EPHA6: variants seen among roughly 807,000 people sequenced by gnomAD.
EPHA6 encodes the protein EPH receptor A6, also known as ephrin type-A receptor 6.
EPHA6 carries 50 observed loss-of-function variants against 112.0 expected under a neutral mutation model. That is an observed-to-expected ratio of 0.45 (90% confidence interval 0.36 to 0.56). EPHA6 has a LOEUF of 0.56. Ranked by LOEUF, EPHA6 falls within the 20% of genes least tolerant of loss-of-function variation. The probability of loss-of-function intolerance (pLI) is 0.00; values close to 1 mark genes in which losing one functional copy is unlikely to be tolerated. For synonymous variants in EPHA6, 529 were observed against 490.7 expected, an observed-to-expected ratio of 1.08 and a Z score of -1.03; for missense variants, 1,280 against 1,417.4, an observed-to-expected ratio of 0.90 and a Z score of 1.56.
At position 97,621,522 on chromosome 3, in the gene EPHA6, C is replaced by T. The variant is rs150213448; in HGVS notation, c.2574+10668C>T. ...AAAAATCTTGGCTAAAGTTGAACAT[C>T]TGGGTCTTGGTAGCATAAAGGTAGT... is the stretch of plus-strand genomic sequence containing the variant. On this transcript the variant is annotated intron_variant, in intron 13 of 17. Coordinates refer to ENST00000389672, the MANE Select transcript of EPHA6 (RefSeq NM_001080448.3). Among the ~76,000 whole-genome samples, 402 of 151,956 alleles carry T rather than the reference C, an allele frequency of 2.6e-3. 3 individuals carry two copies. The highest frequency in any genetic ancestry group is 0.018 in the East Asian group (92 of 5,166).
chr3:97,120,284 T>C (rs890555910), intron 3 of EPHA6, among the ~76,000 whole-genome samples: 1 of 151,992 alleles, frequency 6.6e-6, no homozygotes, highest in Non-Finnish European at 1.5e-5. Context: ...AGATAAATCA[T>C]AACAAAATTC....
At chr3:97,086,452 G>T (rs1347074372) in intron 3 of EPHA6, among the ~76,000 whole-genome samples, 1 of 151,676 alleles carries the variant, frequency 6.6e-6, no homozygotes, top group Non-Finnish European at 1.5e-5. Flanking sequence ...TAAAACAACA[G>T]AAATATTAAA....
intron 15 of EPHA6, among the ~76,000 whole-genome samples, chr3:97,729,432 G>A (rs571859450): frequency 1.1e-3 from 165 of 152,170 alleles, no homozygotes; most frequent in Middle Eastern, 3.4e-3. Context: ...CATGTCTTAC[G>A]TGGTGGCAGG....
intron 3 of EPHA6, among the ~76,000 whole-genome samples, chr3:97,188,803 A>G (rs1273148154): frequency 2.6e-5 from 4 of 152,020 alleles, no homozygotes; most frequent in Non-Finnish European, 4.4e-5. Context: ...AGAATTAAAC[A>G]TGAAATTATG....
At chr3:97,348,047 T>A (rs1352365972) in intron 5 of EPHA6, among the ~76,000 whole-genome samples, 1 of 152,102 alleles carries the variant, frequency 6.6e-6, no homozygotes, top group Non-Finnish European at 1.5e-5. Flanking sequence ...TTGGCAACCC[T>A]CTTTTTGTGT....
At chr3:97,418,047 T>C (rs1436073848) in intron 6 of EPHA6, among the ~76,000 whole-genome samples, 1 of 151,824 alleles carries the variant, frequency 6.6e-6, no homozygotes, top group Non-Finnish European at 1.5e-5. Context: ...ACAACTATGT[T>C]TGAAAAGTTT....
rs138583391 is a variant in EPHA6, at chr3:97,171,579, G to C, written c.1115-54685G>C. Among the ~76,000 whole-genome samples, 140 of 152,222 alleles carry C rather than the reference G, an allele frequency of 9.2e-4. No homozygotes were observed. In the South Asian group the frequency reaches 0.011, roughly 12 times the overall value. The stretch of plus-strand genomic sequence containing the variant: ...TAGAAGTGACATGATTTCTGGGTAA[G>C]TTTGGAACCACAGCTAGCCCCAAAA... On this transcript the variant is annotated intron_variant, in intron 3 of 17. Transcript: ENST00000389672.
chr3:97,710,769 T>C (rs752150047), intron 14 of EPHA6, among the ~76,000 whole-genome samples: 1 of 152,228 alleles, frequency 6.6e-6, no homozygotes, highest in African/African-American at 2.4e-5. Context: ...CTACATTGCA[T>C]GCTGCTTGTC....
chr3:97,537,752 T>C (rs1245120634), intron 11 of EPHA6, among the ~76,000 whole-genome samples: 1 of 152,138 alleles, frequency 6.6e-6, no homozygotes, highest in African/African-American at 2.4e-5. Context: ...CTAATTTTTG[T>C]ATTTTTAGTA....
intron 3 of EPHA6, among the ~76,000 whole-genome samples, chr3:97,137,890 A>T (rs1052415394): frequency 6.6e-6 from 1 of 152,208 alleles, no homozygotes; most frequent in African/African-American, 2.4e-5. Context: ...GTAGAAAAAA[A>T]TGTGAGAGAA....
chr3:97,129,814 AT>A (rs1286480491), intron 3 of EPHA6, among the ~76,000 whole-genome samples: 1 of 152,154 alleles, frequency 6.6e-6, no homozygotes, highest in Non-Finnish European at 1.5e-5. Flanking sequence ...ACCTATCAGG[AT>A]TTCCACAGAA....
In EPHA6 at chr3:96,960,854, A is replaced by G. The variant is rs558408543; in HGVS notation, c.451-26476A>G. Among the ~76,000 whole-genome samples the G allele has an allele frequency of 2.3e-4, 35 of 152,278 alleles. No homozygotes were observed. In the South Asian group the frequency reaches 7.2e-3, roughly 32 times the overall value. On this transcript the variant is annotated intron_variant, in intron 2 of 17. Coordinates refer to ENST00000389672, the MANE Select transcript of EPHA6 (RefSeq NM_001080448.3). ...TTCAGCTGCTGTTAAATTCTGAGTC[A>G]TAGGTGAATAATCTCATATCAATCG...
chr3:97,147,990 G>T (rs2076084195), intron 3 of EPHA6, among the ~76,000 whole-genome samples: 1 of 151,978 alleles, frequency 6.6e-6, no homozygotes, highest in Non-Finnish European at 1.5e-5. Context: ...TAGGTGAGGG[G>T]TATATAAGAA....
intron 11 of EPHA6, among the ~76,000 whole-genome samples, chr3:97,582,555 A>T (rs1264432735): frequency 6.6e-6 from 1 of 152,132 alleles, no homozygotes. Flanking sequence ...CCAACACCCT[A>T]CCACCAGTAC....
At chr3:97,417,807 C>T (rs2088255827) in intron 6 of EPHA6, among the ~76,000 whole-genome samples, 1 of 152,066 alleles carries the variant, frequency 6.6e-6, no homozygotes, top group African/African-American at 2.4e-5. Flanking sequence ...TGAAGTAGTA[C>T]CATTCTAGCA....
At chr3:96,865,694 C>CA (rs57565102) in intron 1 of EPHA6, among the ~76,000 whole-genome samples, 7,023 of 81,840 alleles carry the variant, frequency 0.086, 246 homozygotes, top group East Asian at 0.22. Flanking sequence ...AAAAAACAAA[C>CA]AAAAAAAAAA....
rs527624198 is a variant in EPHA6 at position 97,679,733 on chromosome 3, A to C, written c.2785-40528A>C. Among the ~76,000 whole-genome samples the C allele has an allele frequency of 2.0e-5, 3 of 152,254 alleles. No individual in the cohort carries two copies. In the South Asian group the frequency reaches 6.2e-4, roughly 32 times the overall value. ...CAGGATCAGACACTTCAATATACCA[A>C]AATACATTTCCCGGAAAAATTCTTC... On this transcript the variant is annotated intron_variant, in intron 14 of 17. Transcript: ENST00000389672.
chr3:97,262,540 A>C (rs972612469), intron 5 of EPHA6, among the ~76,000 whole-genome samples: 1 of 152,010 alleles, frequency 6.6e-6, no homozygotes, highest in Non-Finnish European at 1.5e-5. Flanking sequence ...ATGTATGCCC[A>C]GTCAATCTGG....
intron 6 of EPHA6, among the ~76,000 whole-genome samples, chr3:97,444,172 A>G (rs984085774): frequency 6.6e-6 from 1 of 152,188 alleles, no homozygotes; most frequent in Non-Finnish European, 1.5e-5. Flanking sequence ...ATATCTTTAC[A>G]TAGATATGTC....
Sources: gnomAD v4.1 joint callset for allele counts (sites outside exome capture counted in the v4.1 genomes callset) on GRCh38, gnomAD v4.1.1 for gene constraint, MANE v1.5 for transcripts, NCBI Gene and HGNC (gene_info 2026-07-23, HGNC 2026-07-21) for gene names.